The following ADAMTS20 variants were observed in gnomAD, a reference collection of about 807,000 sequenced individuals.
The protein encoded by ADAMTS20 is A disintegrin and metalloproteinase with thrombospondin motifs 20.
ADAMTS20 carries 225 observed loss-of-function variants against 260.1 expected under a neutral mutation model. That is an observed-to-expected ratio of 0.87 (90% CI 0.78 to 0.97). The LOEUF is 0.97. ADAMTS20 is among the 50% of genes least tolerant of loss of function. The pLI, the probability that ADAMTS20 is intolerant of heterozygous loss-of-function variation, is 0.00. For missense variants in ADAMTS20, 2,400 were observed against 2,337.7 expected, an observed-to-expected ratio of 1.03 and a Z score of -0.55; for synonymous variants, 802 against 769.5, an observed-to-expected ratio of 1.04 and a Z score of -0.70.
At chr12:43,376,210 T>C (rs1304372861) in intron 34 of ADAMTS20, 26 bp downstream of exon 34, 4 of 1,536,376 alleles carry the variant, frequency 2.6e-6, no homozygotes, top group Non-Finnish European at 3.5e-6. Context: ...AATGTTAAAA[T>C]AAAAAAGGAA....
chr12:43,372,042 G>A (rs1360563058), intron 36 of ADAMTS20, among the ~76,000 whole-genome samples: 1 of 152,178 alleles, frequency 6.6e-6, no homozygotes, highest in African/African-American at 2.4e-5. Flanking sequence ...TGGATACATT[G>A]AGTTTGACAT....
At chr12:43,509,367 T>C (rs1942891242) in intron 3 of ADAMTS20, among the ~76,000 whole-genome samples, 1 of 152,092 alleles carries the variant, frequency 6.6e-6, no homozygotes, top group Non-Finnish European at 1.5e-5. Context: ...ATGTTATCAA[T>C]ACAGATCTCA....
chr12:43,365,122 T>TA (rs1939955549), intron 37 of ADAMTS20, among the ~76,000 whole-genome samples: 1 of 151,882 alleles, frequency 6.6e-6, no homozygotes, highest in Non-Finnish European at 1.5e-5. Flanking sequence ...GTGCTGAAAA[T>TA]AAAAAACTGT....
rs58169338 is a variant in ADAMTS20 at position 43,375,172 on chromosome 12, CAAAAAAAAAAAAA to C, written c.5446+194_5446+206del. Among the ~76,000 whole-genome samples the C allele has an allele frequency of 2.6e-3, 165 of 62,308 alleles. 7 individuals are homozygous for C. The East Asian group carries it at 0.065, about 25-fold the overall frequency. The allele number at this position is 62,308 out of a possible 152,430, so 40.9% of individuals were successfully genotyped here. A position where few individuals can be genotyped will look rare whatever the true frequency, so the allele number is the denominator to read the frequency against. On this transcript the variant is annotated intron_variant, in intron 36 of 38. Coordinates refer to ENST00000389420, the MANE Select transcript of ADAMTS20 (RefSeq NM_025003.5). ...GGGCAGTAAGAGTGCAACTGCGTCT[CAAAAAAAAAAAAA>C]AAAAAAAAAAAGCCCCATGGTGCAT...
intron 29 of ADAMTS20, among the ~76,000 whole-genome samples, chr12:43,386,152 CT>C (rs1940472446): frequency 6.6e-6 from 1 of 152,072 alleles, no homozygotes; most frequent in East Asian, 1.9e-4. Flanking sequence ...TCTCTATCTC[CT>C]TTGGTTCTGC....
chr12:43,421,280 T>TAAAAAAA (rs759627288), intron 28 of ADAMTS20, among the ~76,000 whole-genome samples: 7 of 26,976 alleles, frequency 2.6e-4, no homozygotes, highest in African/African-American at 4.0e-4. Context: ...AGCTTTCATT[T>TAAAAAAA]ACAAAAAAAA....
chr12:43,417,345 T>C (rs1941151620), intron 28 of ADAMTS20, among the ~76,000 whole-genome samples: 1 of 152,230 alleles, frequency 6.6e-6, no homozygotes, highest in Non-Finnish European at 1.5e-5. Context: ...AACTTTGCAA[T>C]ATTTCATTTA....
intron 4 of ADAMTS20, among the ~76,000 whole-genome samples, chr12:43,500,550 T>C (rs1023882497): frequency 2.6e-5 from 4 of 152,174 alleles, no homozygotes; most frequent in Non-Finnish European, 5.9e-5. Context: ...ATTCAGAATT[T>C]AAAAAAAGTA....
intron 28 of ADAMTS20, among the ~76,000 whole-genome samples, chr12:43,414,467 C>T (rs1941092216): frequency 6.6e-6 from 1 of 152,018 alleles, no homozygotes; most frequent in Non-Finnish European, 1.5e-5. Context: ...TAACAGGGTA[C>T]TTATATCCAG....
chr12:43,425,610 G>A lies in ADAMTS20; in HGVS notation c.4188C>T (p.His1396=), dbSNP rs77261761. Residue 1396 remains histidine, a synonymous_variant, in exon 28 of 39, where the codon CAC becomes CAT. Coordinates refer to ENST00000389420, the MANE Select transcript of ADAMTS20 (RefSeq NM_025003.5). ...GTGGCTTGTTTACAATTTCACAGTT[G>A]TGATCTTCTAATATTTGGCCATTGG... is the stretch of plus-strand genomic sequence containing the variant. ...QFPNGQILED[H]NCEIVNKPPS... is the part of the protein sequence containing the mutation. 2.2e-5 allele frequency: 35 copies of A among 1,611,138 alleles called. 1 individual carries two copies. The East Asian group carries it at 7.8e-4, about 36-fold the overall frequency.
At chr12:43,366,206 T>C (rs996214479) in intron 37 of ADAMTS20, among the ~76,000 whole-genome samples, 5 of 151,762 alleles carry the variant, frequency 3.3e-5, no homozygotes, top group African/African-American at 1.2e-4. Flanking sequence ...ATCAGATAAA[T>C]TAGCCTTTAA....
At chr12:43,409,601 CAAAAAAAAAAAAAA>C (rs67474640) in intron 28 of ADAMTS20, among the ~76,000 whole-genome samples, 3 of 46,894 alleles carry the variant, frequency 6.4e-5, no homozygotes, top group African/African-American at 2.9e-4. Context: ...GACTCCGTCT[CAAAAAAAAAAAAAA>C]AAAAAAAAAA....
At chr12:43,513,263 T>C (rs1257096970) in intron 3 of ADAMTS20, among the ~76,000 whole-genome samples, 1 of 151,974 alleles carries the variant, frequency 6.6e-6, no homozygotes, top group East Asian at 1.9e-4. Flanking sequence ...CGTCACAGAG[T>C]AAATATTTTT....
chr12:43,514,237 C>A (rs1942965797), intron 3 of ADAMTS20, among the ~76,000 whole-genome samples: 1 of 151,686 alleles, frequency 6.6e-6, no homozygotes, highest in African/African-American at 2.4e-5. Context: ...AAGGCATGAG[C>A]CCCCATGCCT....
chr12:43,467,115 G>A (rs113570068), intron 8 of ADAMTS20, among the ~76,000 whole-genome samples: 4 of 152,022 alleles, frequency 2.6e-5, no homozygotes, highest in Non-Finnish European at 4.4e-5. Flanking sequence ...ATCCCATGTT[G>A]TGGATAGAGA....
intron 28 of ADAMTS20, among the ~76,000 whole-genome samples, chr12:43,418,262 G>C (rs1941167673): frequency 6.6e-6 from 1 of 152,154 alleles, no homozygotes. Flanking sequence ...ACTCAGGAGA[G>C]AACATTTTGA....
Position 43,427,365 on chromosome 12 carries a change from C to A in ADAMTS20, c.4050G>T (p.Glu1350Asp), listed in dbSNP as rs1259636092. ...SYCDAASKPP[E>D]LQQCGPGPCP... ...AAGGCCCTGGACCACATTGCTGTAA[C>A]TCTGGAGGCTTGGAGGCTGCATCGC... The change falls in exon 27 of 39, where the codon GAG (glutamate) becomes GAT (aspartate). Residue 1350 changes from glutamate (E) to aspartate (D), a missense_variant. Transcript: ENST00000389420. 1 of 1,613,802 alleles carries A rather than the reference C, an allele frequency of 6.2e-7. No individual in the cohort carries two copies. The highest frequency in any genetic ancestry group is 8.5e-7 in the Non-Finnish European group (1 of 1,179,874).
intron 11 of ADAMTS20, 98 bp from the exon 12 acceptor site, chr12:43,454,150 C>T (rs1039899505): frequency 7.4e-7 from 1 of 1,350,546 alleles, no homozygotes; most frequent in Non-Finnish European, 9.9e-7. Flanking sequence ...GAAGAACAAA[C>T]TAAACAATTT....
intron 7 of ADAMTS20, among the ~76,000 whole-genome samples, chr12:43,471,673 T>G: frequency 1.4e-5 from 2 of 140,038 alleles, no homozygotes; most frequent in African/African-American, 5.4e-5. Flanking sequence ...AGTGGGTCCC[T>G]GACCCCTGAC....
Sources: gnomAD v4.1 joint callset for allele counts (sites outside exome capture counted in the v4.1 genomes callset) on GRCh38, gnomAD v4.1.1 for gene constraint, MANE v1.5 for transcripts, NCBI Gene and HGNC (gene_info 2026-07-23, HGNC 2026-07-21) for gene names.